The following NCKAP5 variants were observed in gnomAD, a reference collection of about 807,000 sequenced individuals.
The protein encoded by NCKAP5 is NCK associated protein 5, also known as nck-associated protein 5.
NCKAP5 carries 92 observed loss-of-function variants against 167.0 expected under a neutral mutation model. The observed-to-expected ratio is 0.55, with a 90% confidence interval of 0.47 to 0.66. The LOEUF (loss-of-function observed/expected upper bound fraction) is 0.66. Among genes scored for constraint, NCKAP5 ranks in the 30% least tolerant of loss-of-function variants. The pLI is 0.00. For missense variants in NCKAP5, 2,378 were observed against 2,315.0 expected (o/e 1.03, Z -0.56); for synonymous variants, 891 against 877.4 (o/e 1.02, Z -0.27).
intron 6 of NCKAP5, among the ~76,000 whole-genome samples, chr2:133,113,798 G>A (rs1351805049): frequency 6.6e-6 from 1 of 152,184 alleles, no homozygotes; most frequent in African/African-American, 2.4e-5. Context: ...ACACACATGT[G>A]CACCCCAGGC....
chr2:132,763,895 A>G (rs1195337015), intron 16 of NCKAP5, among the ~76,000 whole-genome samples: 1 of 152,200 alleles, frequency 6.6e-6, no homozygotes, highest in Non-Finnish European at 1.5e-5. Flanking sequence ...AAGCTGATAC[A>G]GGGCATAGTT....
At chr2:132,732,192 A>T in intron 16 of NCKAP5, 141 bp from the exon 17 acceptor site, 1 of 780,312 alleles carries the variant, frequency 1.3e-6, no homozygotes, top group Non-Finnish European at 2.0e-6. Flanking sequence ...TGTCACAAGG[A>T]CAGAAAACCA....
At chr2:132,970,349 G>A (rs764973948) in intron 7 of NCKAP5, among the ~76,000 whole-genome samples, 6 of 152,254 alleles carry the variant, frequency 3.9e-5, no homozygotes, top group South Asian at 4.2e-4. Context: ...TTTGTCTTAC[G>A]AACCTCCAAA....
At chr2:132,724,741 T>A (rs1357438355) in intron 19 of NCKAP5, among the ~76,000 whole-genome samples, 1 of 152,082 alleles carries the variant, frequency 6.6e-6, no homozygotes, top group Non-Finnish European at 1.5e-5. Flanking sequence ...TGATAACTTA[T>A]AAGAAGCAAG....
At chr2:132,971,594 T>A (rs1299949400) in intron 7 of NCKAP5, among the ~76,000 whole-genome samples, 1 of 152,180 alleles carries the variant, frequency 6.6e-6, no homozygotes, top group Non-Finnish European at 1.5e-5. Context: ...AAAAACAAGA[T>A]GCTGCTGCAA....
intron 19 of NCKAP5, among the ~76,000 whole-genome samples, chr2:132,685,389 C>G (rs1355749095): frequency 5.3e-5 from 8 of 152,134 alleles, no homozygotes; most frequent in African/African-American, 1.9e-4. Context: ...TTGTGTGTGA[C>G]CAGTGGCCCC....
In NCKAP5 at chr2:133,007,929, A is replaced by G. The variant is rs530640444; in HGVS notation, c.342-13690T>C. ...AGGGCCACTGGCCAGGACTAGTCACATGGCCCAACTCACTGCTAGGGTAGC... is the reference window on the plus strand; with the variant it reads ...AGGGCCACTGGCCAGGACTAGTCACGTGGCCCAACTCACTGCTAGGGTAGC... On this transcript the variant is annotated intron_variant, in intron 6 of 19. Coordinates refer to ENST00000409261, the MANE Select transcript of NCKAP5 (RefSeq NM_207363.3). Among the ~76,000 whole-genome samples, 374 of 152,310 alleles carry G rather than the reference A, an allele frequency of 2.5e-3. 9 individuals are homozygous for G. Among genetic ancestry groups the G allele is most frequent in the Admixed American group, 0.024 (364 of 15,308 alleles).
chr2:132,756,260 C>T lies in NCKAP5; in HGVS notation c.5128+17556G>A, dbSNP rs576738577. Among the ~76,000 whole-genome samples the T allele has an allele frequency of 4.6e-5, 7 of 152,238 alleles. No homozygotes were observed. The East Asian group carries it at 7.7e-4, about 17-fold the overall frequency. ...GCAAATTTTCTAGTGTACTTAGGTCCGATGACTGAAACATTGTCTCCCCAC... is the reference window on the plus strand; with the variant it reads ...GCAAATTTTCTAGTGTACTTAGGTCTGATGACTGAAACATTGTCTCCCCAC... On this transcript the variant is annotated intron_variant, in intron 16 of 19. Transcript: ENST00000409261.
intron 11 of NCKAP5, among the ~76,000 whole-genome samples, chr2:132,821,494 A>G (rs2105321391): frequency 6.6e-6 from 1 of 152,300 alleles, no homozygotes; most frequent in Admixed American, 6.5e-5. Context: ...GAAACTCTCA[A>G]CTGAAATTGG....
chr2:133,005,629 CT>C (rs1049840440), intron 6 of NCKAP5, among the ~76,000 whole-genome samples: 67 of 152,240 alleles, frequency 4.4e-4, no homozygotes, highest in African/African-American at 1.4e-3. Flanking sequence ...GCAAAAAGGA[CT>C]CTGAATTGCC....
At chr2:133,409,665 C>T (rs1046350197) in intron 3 of NCKAP5, among the ~76,000 whole-genome samples, 3 of 152,114 alleles carry the variant, frequency 2.0e-5, no homozygotes, top group Admixed American at 2.0e-4. Context: ...TCTGAGAACA[C>T]CCTAAAAATC....
At chr2:133,479,195 A>G (rs1680207786) in intron 3 of NCKAP5, among the ~76,000 whole-genome samples, 1 of 152,188 alleles carries the variant, frequency 6.6e-6, no homozygotes, top group African/African-American at 2.4e-5. Flanking sequence ...GGGGGCTGTT[A>G]AAAAGAAGTA....
intron 2 of NCKAP5, chr2:133,558,003 ATCT>A (rs1325287530): frequency 1.3e-5 from 2 of 152,214 alleles, no homozygotes; most frequent in Non-Finnish European, 2.9e-5. Context: ...AGACCATCTC[ATCT>A]TCTCCCCCTT....
At chr2:133,523,110 T>TC (rs1684607904) in intron 2 of NCKAP5, among the ~76,000 whole-genome samples, 1 of 152,038 alleles carries the variant, frequency 6.6e-6, no homozygotes. Flanking sequence ...TAACTCTTTT[T>TC]TTTTTTTCAA....
intron 11 of NCKAP5, among the ~76,000 whole-genome samples, chr2:132,860,220 C>T (rs762287247): frequency 6.6e-5 from 10 of 152,334 alleles, no homozygotes; most frequent in South Asian, 2.1e-4. Context: ...TAACTCCTTT[C>T]CATGGTTCCA....
intron 3 of NCKAP5, among the ~76,000 whole-genome samples, chr2:133,496,254 T>C (rs901781187): frequency 6.6e-6 from 1 of 152,156 alleles, no homozygotes; most frequent in African/African-American, 2.4e-5. Flanking sequence ...CATGGGCACC[T>C]CTGGGACAAA....
At chr2:133,470,601 T>TC (rs1026078873) in intron 3 of NCKAP5, among the ~76,000 whole-genome samples, 1 of 151,926 alleles carries the variant, frequency 6.6e-6, no homozygotes, top group Non-Finnish European at 1.5e-5. Flanking sequence ...CGGGTGCCCC[T>TC]CCCCCAGCCT....
intron 3 of NCKAP5, among the ~76,000 whole-genome samples, chr2:133,410,740 C>A (rs1245351905): frequency 1.3e-5 from 2 of 152,104 alleles, no homozygotes; most frequent in East Asian, 1.9e-4. Flanking sequence ...AAGTCTTCTG[C>A]GTGATTCTGA....
At chr2:133,018,731 A>G (rs1559055783) in intron 6 of NCKAP5, among the ~76,000 whole-genome samples, 1 of 152,186 alleles carries the variant, frequency 6.6e-6, no homozygotes, top group Non-Finnish European at 1.5e-5. Flanking sequence ...CAGGCCACTA[A>G]GGCTTTTATG....
Sources: gnomAD v4.1 joint callset for allele counts (sites outside exome capture counted in the v4.1 genomes callset) on GRCh38, gnomAD v4.1.1 for gene constraint, MANE v1.5 for transcripts, NCBI Gene and HGNC (gene_info 2026-07-23, HGNC 2026-07-21) for gene names.